Variants in OR9Q1 observed in about 807,000 individuals in gnomAD.
OR9Q1 encodes olfactory receptor family 9 subfamily Q member 1, also known as olfactory receptor 9Q1.
For synonymous variants in OR9Q1, 153 were observed against 148.6 expected (o/e 1.03, Z -0.22); for missense variants, 374 against 378.8 (o/e 0.99, Z 0.11).
chr11:58,107,114 C>CT (rs78874508), intron 2 of OR9Q1, among the ~76,000 whole-genome samples: 32,627 of 151,088 alleles, frequency 0.22, 4,702 homozygotes, highest in East Asian at 0.58. Flanking sequence ...GGATGTCTTT[C>CT]TTTTTTTTTA....
rs1041759618 is a variant in OR9Q1 at position 58,149,984 on chromosome 11, T to A, written c.-14-29447T>A. On this transcript the variant is annotated intron_variant, in intron 2 of 2. Coordinates refer to ENST00000335397, the MANE Select transcript of OR9Q1 (RefSeq NM_001005212.4). The stretch of plus-strand genomic sequence containing the variant: ...ATTCTTTTGCATAGTGTATACTACT[T>A]AAAAGTGGAATTGTTGGATCATATG... 8.5e-5 allele frequency among the ~76,000 whole-genome samples: 13 copies of A among 152,316 alleles called. 1 individual carries two copies. Among genetic ancestry groups the A allele is most frequent in the African/African-American group, 3.1e-4 (13 of 41,564 alleles).
At chr11:58,037,689 A>ATAGTTTTTTTTTT (rs1853119570) in intron 1 of OR9Q1, among the ~76,000 whole-genome samples, 1 of 6,998 alleles carries the variant, frequency 1.4e-4, no homozygotes, top group African/African-American at 4.3e-4. Context: ...ATATATATAT[A>ATAGTTTTTTTTTT]TTTTTTTTTT....
intron 2 of OR9Q1, chr11:58,171,247 C>T (rs1033141974): frequency 6.6e-6 from 1 of 152,180 alleles, no homozygotes; most frequent in African/African-American, 2.4e-5. Flanking sequence ...GAGGGTTTGA[C>T]AAATGTAATC....
intron 2 of OR9Q1, among the ~76,000 whole-genome samples, chr11:58,105,759 A>T (rs147848350): frequency 6.6e-6 from 1 of 152,278 alleles, no homozygotes; most frequent in East Asian, 1.9e-4. Context: ...TTGACTAAGC[A>T]TATGTCTTCC....
chr11:58,116,917 A>G (rs1853960942), intron 2 of OR9Q1: 1 of 152,194 alleles, frequency 6.6e-6, no homozygotes. Flanking sequence ...ACATCCTTTT[A>G]TTATTCTTGA....
chr11:58,144,484 CAG>C, intron 2 of OR9Q1: 2 of 151,986 alleles, frequency 1.3e-5, no homozygotes, highest in Non-Finnish European at 2.9e-5. Context: ...GGCTTCATGG[CAG>C]AGAGTGGCAC....
intron 2 of OR9Q1, among the ~76,000 whole-genome samples, chr11:58,057,272 C>T (rs565133506): frequency 6.6e-5 from 10 of 152,216 alleles, no homozygotes; most frequent in African/African-American, 2.2e-4. Flanking sequence ...CAGGTATGAG[C>T]CACTGTGCCC....
chr11:58,160,966 A>G (rs1367867709), intron 2 of OR9Q1, among the ~76,000 whole-genome samples: 1 of 152,144 alleles, frequency 6.6e-6, no homozygotes, highest in Non-Finnish European at 1.5e-5. Context: ...AAGTGAATGG[A>G]GAGAGTTAAG....
At chr11:58,137,990 G>A (rs972451006) in intron 2 of OR9Q1, among the ~76,000 whole-genome samples, 4 of 152,144 alleles carry the variant, frequency 2.6e-5, no homozygotes, top group Admixed American at 2.6e-4. Flanking sequence ...GTCTGTTAGT[G>A]CTGTCTTTTT....
intron 2 of OR9Q1, among the ~76,000 whole-genome samples, chr11:58,130,376 G>T (rs1012248641): frequency 6.6e-6 from 1 of 152,174 alleles, no homozygotes; most frequent in African/African-American, 2.4e-5. Context: ...ATATTTGAAA[G>T]AAAATTATAA....
At chr11:58,048,168 C>T (rs1853238367) in intron 1 of OR9Q1, among the ~76,000 whole-genome samples, 2 of 152,106 alleles carry the variant, frequency 1.3e-5, no homozygotes, top group African/African-American at 2.4e-5. Context: ...AATTACTTAG[C>T]ATCCTTCTTT....
At chr11:58,154,002 T>C (rs1353799040) in intron 2 of OR9Q1, among the ~76,000 whole-genome samples, 1 of 151,766 alleles carries the variant, frequency 6.6e-6, no homozygotes, top group Non-Finnish European at 1.5e-5. Flanking sequence ...TAAGCAAGTC[T>C]TAAGAGGAGA....
chr11:58,124,495 T>G (rs951989587), intron 2 of OR9Q1: 7 of 152,154 alleles, frequency 4.6e-5, no homozygotes, highest in Admixed American at 4.6e-4. Context: ...TTGAGTCCCT[T>G]GGGGAGGGTG....
chr11:58,134,091 G>A (rs1484240604), intron 2 of OR9Q1, among the ~76,000 whole-genome samples: 2 of 152,320 alleles, frequency 1.3e-5, no homozygotes, highest in African/African-American at 4.8e-5. Flanking sequence ...AAGCTCTAAG[G>A]AGGTTAGGGA....
intron 1 of OR9Q1, among the ~76,000 whole-genome samples, chr11:58,037,688 T>C (rs1437854080): frequency 3.0e-4 from 2 of 6,564 alleles, no homozygotes; most frequent in Non-Finnish European, 6.7e-4. Flanking sequence ...TATATATATA[T>C]ATTTTTTTTT....
chr11:58,060,147 G>A (rs935873698), intron 2 of OR9Q1: 8 of 152,230 alleles, frequency 5.3e-5, no homozygotes, highest in African/African-American at 1.9e-4. Context: ...CCTCTCCCAA[G>A]GATGGAAACA....
At chr11:58,082,992 T>G (rs972638343) in intron 2 of OR9Q1, among the ~76,000 whole-genome samples, 1 of 151,400 alleles carries the variant, frequency 6.6e-6, no homozygotes, top group African/African-American at 2.4e-5. Flanking sequence ...TAGTTTCTTT[T>G]GCTATGCAGA....
At chr11:58,153,197 C>T (rs1854371118) in intron 2 of OR9Q1, among the ~76,000 whole-genome samples, 1 of 152,080 alleles carries the variant, frequency 6.6e-6, no homozygotes, top group African/African-American at 2.4e-5. Context: ...AAACAGAAAC[C>T]AAATTAGAGG....
chr11:58,108,481 T>C (rs1331770452), intron 2 of OR9Q1, among the ~76,000 whole-genome samples: 1 of 151,954 alleles, frequency 6.6e-6, no homozygotes, highest in Admixed American at 6.6e-5. Context: ...ATCCAGAAAG[T>C]TTGGGAGGGC....
Sources: gnomAD v4.1 joint callset for allele counts (sites outside exome capture counted in the v4.1 genomes callset) on GRCh38, gnomAD v4.1.1 for gene constraint, MANE v1.5 for transcripts, NCBI Gene and HGNC (gene_info 2026-07-23, HGNC 2026-07-21) for gene names.